ARPC3: variants seen among roughly 807,000 people sequenced by gnomAD.
The protein encoded by ARPC3 is actin related protein 2/3 complex subunit 3.
In ARPC3, 12 loss-of-function variants were observed where a neutral mutation model predicts 27.6. The ratio of observed to expected loss-of-function variants is 0.43; its 90% CI spans 0.28 to 0.70. The LOEUF (loss-of-function observed/expected upper bound fraction) is 0.70. ARPC3 is among the 30% of genes least tolerant of loss of function. ARPC3 has a pLI of 0.17. For synonymous variants in ARPC3, 53 were observed against 67.2 expected (o/e 0.79, Z 1.03); for missense variants, 153 against 207.7 (o/e 0.74, Z 1.62).
chr12:110,440,559 T>A, intron 2 of ARPC3, 171 bp from the exon 3 acceptor site: 5 of 599,486 alleles, frequency 8.3e-6, no homozygotes, highest in African/African-American at 1.9e-5. Flanking sequence ...TATTTGTTTT[T>A]TTTTTGAGAC....
rs780331965 is a variant in ARPC3, at chr12:110,440,382, T to C, written c.113A>G (p.Asp38Gly). The C allele has an allele frequency of 6.8e-6, 11 of 1,609,160 alleles. No individual in the cohort carries two copies. The highest frequency in any genetic ancestry group is 4.4e-5 in the South Asian group (4 of 90,970). The change falls in exon 3 of 7, where the codon GAT (aspartate) becomes GGT (glycine). Residue 38 changes from aspartate (D) to glycine (G), a missense_variant. Physicochemically the swap from Asp to Gly is moderately conservative, Grantham distance 94. Coordinates refer to ENST00000228825, the MANE Select transcript of ARPC3 (RefSeq NM_001278556.2). ...FKGPAPRETK[D>G]TDIVDEAIYY... ...GATGGCTTCATCCACAATATCTGTA[T>C]CTTTTGCTAAGCAGGACACAAGGGA...
At chr12:110,435,981 C>A (rs2062401828) in intron 6 of ARPC3, 129 bp downstream of exon 6, 1 of 804,348 alleles carries the variant, frequency 1.2e-6, no homozygotes, top group South Asian at 1.3e-5. Flanking sequence ...TAGACATATA[C>A]TGGAAGTTAA....
At chr12:110,449,567 AAAC>A (rs2062488056) in intron 1 of ARPC3, among the ~76,000 whole-genome samples, 1 of 152,152 alleles carries the variant, frequency 6.6e-6, no homozygotes, top group Non-Finnish European at 1.5e-5. Context: ...CTCAAAAAAC[AAAC>A]AACAAAAAAA....
intron 3 of ARPC3, among the ~76,000 whole-genome samples, chr12:110,439,513 TCA>T (rs2062424297): frequency 6.6e-6 from 1 of 152,134 alleles, no homozygotes; most frequent in Non-Finnish European, 1.5e-5. Flanking sequence ...TTCCAGAAGT[TCA>T]GAGTTTGGCA....
intron 2 of ARPC3, among the ~76,000 whole-genome samples, chr12:110,443,361 AC>A (rs1006961190): frequency 4.7e-4 from 71 of 152,054 alleles, no homozygotes; most frequent in African/African-American, 1.6e-3. Flanking sequence ...CTCGTGATCC[AC>A]CCGTCTTGGC....
intron 1 of ARPC3, among the ~76,000 whole-genome samples, chr12:110,448,781 G>C (rs551586294): frequency 3.1e-5 from 3 of 97,538 alleles, no homozygotes; most frequent in Non-Finnish European, 6.6e-5. Flanking sequence ...TTTTTTCCGG[G>C]GGGGGGGGGG....
intron 3 of ARPC3, among the ~76,000 whole-genome samples, chr12:110,438,369 G>T (rs1003391391): frequency 1.1e-4 from 16 of 151,108 alleles, no homozygotes; most frequent in African/African-American, 3.2e-4. Flanking sequence ...GAAGTCCAAG[G>T]TGGGTGTATC....
At chr12:110,439,217 A>G (rs1340945400) in intron 3 of ARPC3, among the ~76,000 whole-genome samples, 1 of 151,584 alleles carries the variant, frequency 6.6e-6, no homozygotes, top group Middle Eastern at 3.5e-3. Flanking sequence ...AACTCCTGGC[A>G]TCATGTGATC....
At chr12:110,448,794 GGT>G (rs2062480791) in intron 1 of ARPC3, among the ~76,000 whole-genome samples, 1 of 58,460 alleles carries the variant, frequency 1.7e-5, no homozygotes, top group Non-Finnish European at 3.5e-5. Context: ...GGGGGGGGGT[GGT>G]GGTACAGAGT....
intron 3 of ARPC3, among the ~76,000 whole-genome samples, chr12:110,438,602 C>G (rs374851300): frequency 6.7e-6 from 1 of 149,666 alleles, no homozygotes; most frequent in African/African-American, 2.5e-5. Context: ...TGTCTCAAAA[C>G]AAAAAAACAA....
intron 6 of ARPC3, 36 bp downstream of exon 6, chr12:110,436,074 G>A (rs1009482316): frequency 1.3e-6 from 2 of 1,501,222 alleles, no homozygotes; most frequent in Non-Finnish European, 1.9e-6. Flanking sequence ...GATAAAAGGT[G>A]ATTTACCAAT....
chr12:110,440,526 A>T (rs903943078), intron 2 of ARPC3, 138 bp from the exon 3 acceptor site: 5 of 678,412 alleles, frequency 7.4e-6, no homozygotes, highest in Non-Finnish European at 1.3e-5. Context: ...TCCTATTGAA[A>T]TACAAAGTTT....
At chr12:110,435,705 C>T (rs893669898) in intron 6 of ARPC3, among the ~76,000 whole-genome samples, 4 of 151,930 alleles carry the variant, frequency 2.6e-5, no homozygotes, top group South Asian at 2.1e-4. Flanking sequence ...CTCACTGCAA[C>T]CTCCACTTCC....
intron 6 of ARPC3, 86 bp from the exon 7 acceptor site, chr12:110,435,303 G>C: frequency 1.0e-6 from 1 of 954,500 alleles, no homozygotes; most frequent in Non-Finnish European, 1.7e-6. Flanking sequence ...TTTCACATTA[G>C]TCTGGAATCT....
intron 2 of ARPC3, among the ~76,000 whole-genome samples, chr12:110,442,032 C>CA (rs774588008): frequency 3.0e-3 from 326 of 108,858 alleles, no homozygotes; most frequent in East Asian, 0.012. Context: ...ACTCTGTCTC[C>CA]AAAAAAAAAA....
chr12:110,440,274 A>C (rs1371622636), intron 3 of ARPC3, 38 bp downstream of exon 3: 9 of 1,420,660 alleles, frequency 6.3e-6, no homozygotes, highest in Non-Finnish European at 8.9e-6. Flanking sequence ...TATCCCTATG[A>C]GAAAACTAAG....
chr12:110,436,707 TATATACACACACACACACACACACACAC>T lies in ARPC3; in HGVS notation c.253-52_253-25del, dbSNP rs1434701955. The stretch of plus-strand genomic sequence containing the variant: ...CACTGGAAAAAAAAATATATATATA[TATATACACACACACACACACACACACAC>T]ACACACACACACACACACATATTTT... On this transcript the variant is annotated intron_variant, in intron 4 of 6. Coordinates refer to ENST00000228825, the MANE Select transcript of ARPC3 (RefSeq NM_001278556.2). 8.3e-5 allele frequency: 68 copies of T among 821,556 alleles called. 2 individuals carry two copies. The highest frequency in any genetic ancestry group is 1.6e-4 in the Admixed American group (7 of 44,918). The allele number at this position is 821,556 out of a possible 1,614,324, so 50.9% of individuals were successfully genotyped here.
At chr12:110,437,017 T>C (rs2062410051) in intron 4 of ARPC3, 67 bp downstream of exon 4, 5 of 1,065,724 alleles carry the variant, frequency 4.7e-6, no homozygotes, top group African/African-American at 1.6e-5. Context: ...AAATCCCAGA[T>C]GACTGGGAGG....
In ARPC3 at chr12:110,450,239, T is replaced by C. The variant is rs1472488802; in HGVS notation, c.6+16A>G. 1 of 1,614,102 alleles carries C rather than the reference T, an allele frequency of 6.2e-7. No individual in the cohort carries two copies. Among genetic ancestry groups the C allele is most frequent in the South Asian group, 1.1e-5 (1 of 91,080 alleles). On this transcript the variant is annotated intron_variant, in intron 1 of 6. Coordinates refer to ENST00000228825, the MANE Select transcript of ARPC3 (RefSeq NM_001278556.2). ...CAATCCCCGCTGTCTCCCCACACCG[T>C]GGATCGAACCCTCACCGGCATCTTG...
Sources: allele counts gnomAD v4.1 joint callset (sites outside exome capture counted in the v4.1 genomes callset), GRCh38; gene constraint gnomAD v4.1.1; transcripts MANE v1.5; gene names NCBI Gene and HGNC (gene_info 2026-07-23, HGNC 2026-07-21).